Variants in IL1RAPL2 observed in about 807,000 individuals in gnomAD.
IL1RAPL2 encodes interleukin 1 receptor accessory protein like 2.
In IL1RAPL2, 3 loss-of-function variants were observed where a neutral mutation model predicts 44.1. The observed-to-expected ratio is 0.07, with a 90% CI of 0.03 to 0.18. The LOEUF (loss-of-function observed/expected upper bound fraction) is 0.18. Among genes scored for constraint, IL1RAPL2 ranks in the 10% least tolerant of loss-of-function variants. The pLI, the probability that IL1RAPL2 is intolerant of heterozygous loss-of-function variation, is 1.00. For synonymous variants in IL1RAPL2, 181 were observed against 178.8 expected (o/e 1.01, Z -0.10); for missense variants, 391 against 496.4 (o/e 0.79, Z 2.02).
chrX:104,898,017 A>G (rs978679053), intron 2 of IL1RAPL2, among the ~76,000 whole-genome samples: 17 of 112,151 alleles, frequency 1.5e-4, no homozygotes, highest in African/African-American at 5.5e-4. Context: ...GGCTGATCTT[A>G]AGTGTTGAAT....
chrX:104,657,453 A>G (rs1389380623), intron 1 of IL1RAPL2, among the ~76,000 whole-genome samples: 1 of 111,721 alleles, frequency 9.0e-6, no homozygotes, highest in African/African-American at 3.3e-5. Context: ...CCTTCTTTAC[A>G]ACTTATACAC....
intron 4 of IL1RAPL2, among the ~76,000 whole-genome samples, chrX:105,246,854 A>G (rs2034223651): frequency 9.0e-6 from 1 of 111,402 alleles, no homozygotes; most frequent in Admixed American, 9.6e-5. Context: ...GCACACATAG[A>G]AAGTGATAAT....
intron 5 of IL1RAPL2, among the ~76,000 whole-genome samples, chrX:105,360,512 C>G (rs996638798): frequency 9.0e-6 from 1 of 110,602 alleles, no homozygotes; most frequent in Admixed American, 9.7e-5. Context: ...AATAGGTGCT[C>G]TGGAAAAAAA....
chrX:105,756,019 T>C (rs970386451), intron 10 of IL1RAPL2, among the ~76,000 whole-genome samples: 3 of 111,712 alleles, frequency 2.7e-5, no homozygotes, highest in Admixed American at 1.9e-4. Context: ...CAGTAAAGTA[T>C]AAGGGGAACA....
chrX:105,297,965 T>C (rs933187190), intron 5 of IL1RAPL2, among the ~76,000 whole-genome samples: 5 of 110,932 alleles, frequency 4.5e-5, no homozygotes, highest in African/African-American at 1.6e-4. Context: ...CTTTTCTTTT[T>C]AAAATTTTTT....
At chrX:105,185,883 C>T (rs1284310984) in intron 2 of IL1RAPL2, among the ~76,000 whole-genome samples, 10 of 111,914 alleles carry the variant, frequency 8.9e-5, no homozygotes, top group African/African-American at 1.3e-4. Context: ...TGTGAGTTAT[C>T]GCAGGATGAG....
intron 2 of IL1RAPL2, among the ~76,000 whole-genome samples, chrX:105,145,229 T>C (rs1461049698): frequency 8.9e-6 from 1 of 111,991 alleles, no homozygotes; most frequent in Non-Finnish European, 1.9e-5. Context: ...TTTTAGATAT[T>C]AAACTGAAAT....
intron 2 of IL1RAPL2, among the ~76,000 whole-genome samples, chrX:105,038,787 C>G (rs187767624): frequency 9.0e-6 from 1 of 110,547 alleles, no homozygotes; most frequent in East Asian, 2.9e-4. Context: ...TGCCCTGTCT[C>G]CTGGTGCTAG....
intron 3 of IL1RAPL2, among the ~76,000 whole-genome samples, chrX:105,231,799 A>T (rs949212562): frequency 8.9e-6 from 1 of 112,009 alleles, no homozygotes; most frequent in African/African-American, 3.2e-5. Flanking sequence ...GTTGAGCTAG[A>T]TCATGTATGG....
At chrX:104,966,955 G>A (rs5916845) in intron 2 of IL1RAPL2, among the ~76,000 whole-genome samples, 46,604 of 111,321 alleles carry the variant, frequency 0.42, 7,084 homozygotes, top group East Asian at 0.46. Flanking sequence ...TTAAAAATAA[G>A]AGCTCTTTTT....
chrX:105,661,644 A>G (rs192714078), intron 6 of IL1RAPL2, among the ~76,000 whole-genome samples: 22 of 112,122 alleles, frequency 2.0e-4, no homozygotes, highest in African/African-American at 6.5e-4. Context: ...ATAAAAATAC[A>G]TGGAGGCTGG....
chrX:104,796,162 C>T (rs1932848625), intron 2 of IL1RAPL2, among the ~76,000 whole-genome samples: 1 of 112,016 alleles, frequency 8.9e-6, no homozygotes, highest in Non-Finnish European at 1.9e-5. Flanking sequence ...GTTTTATTTT[C>T]TCTGTCTATA....
chrX:105,636,296 T>C (rs2037522613), intron 6 of IL1RAPL2, among the ~76,000 whole-genome samples: 1 of 111,489 alleles, frequency 9.0e-6, no homozygotes, highest in African/African-American at 3.3e-5. Flanking sequence ...GTTGCCTAAG[T>C]ATAATTACTT....
At position 105,195,455 on chromosome X, in the gene IL1RAPL2, C is replaced by A; in HGVS notation, c.83-20C>A. 1 of 1,206,814 alleles carries A rather than the reference C, an allele frequency of 8.3e-7. No individual in the cohort carries two copies. Among genetic ancestry groups the A allele is most frequent in the South Asian group, 1.8e-5 (1 of 56,627 alleles). On this transcript the variant is annotated intron_variant, in intron 2 of 10. Coordinates refer to ENST00000372582, the MANE Select transcript of IL1RAPL2 (RefSeq NM_017416.2). ...CAACAATGCTCACTGTATCTTATAC[C>A]TCTTCTGATTTTCTTTCAGTGGATG...
At chrX:105,447,075 TTATATA>T (rs1205983853) in intron 5 of IL1RAPL2, among the ~76,000 whole-genome samples, 27 of 16,871 alleles carry the variant, frequency 1.6e-3, no homozygotes, top group Non-Finnish European at 2.2e-3. Context: ...CTGGTTAAAA[TTATATA>T]TATATATATA....
chrX:105,462,392 G>A (rs1444884479), intron 5 of IL1RAPL2, among the ~76,000 whole-genome samples: 6 of 110,926 alleles, frequency 5.4e-5, no homozygotes, highest in African/African-American at 1.3e-4. Context: ...AAAATTTGCC[G>A]AAGCTATGGA....
At chrX:105,675,130 C>T (rs2037859382) in intron 6 of IL1RAPL2, among the ~76,000 whole-genome samples, 2 of 111,056 alleles carry the variant, frequency 1.8e-5, no homozygotes, top group African/African-American at 6.5e-5. Flanking sequence ...GATTTCCTCC[C>T]TTCCGATTTG....
chrX:105,717,614 A>G (rs1228986358), intron 7 of IL1RAPL2, 118 bp downstream of exon 7: 7 of 654,535 alleles, frequency 1.1e-5, no homozygotes, highest in Non-Finnish European at 1.5e-5. Flanking sequence ...GAGACCAAGG[A>G]TGACTGCCTT....
At chrX:104,992,664 G>A (rs991726702) in intron 2 of IL1RAPL2, among the ~76,000 whole-genome samples, 4 of 110,811 alleles carry the variant, frequency 3.6e-5, no homozygotes, top group African/African-American at 1.3e-4. Flanking sequence ...AATGTTATTA[G>A]GGAAAAGCAA....
Sources: gnomAD v4.1 joint callset for allele counts (sites outside exome capture counted in the v4.1 genomes callset) on GRCh38, gnomAD v4.1.1 for gene constraint, MANE v1.5 for transcripts, NCBI Gene and HGNC (gene_info 2026-07-23, HGNC 2026-07-21) for gene names.